The following POLR1C variants were observed in gnomAD, a reference collection of about 807,000 sequenced individuals.
POLR1C encodes the protein RNA polymerase I and III subunit C.
In POLR1C, 42 loss-of-function variants were observed where a neutral mutation model predicts 38.3. The observed-to-expected ratio is 1.10, with a 90% CI of 0.86 to 1.42. POLR1C has a LOEUF of 1.42. POLR1C is among the 40% of genes most tolerant of loss of function. The pLI is 0.00. For missense variants in POLR1C, 507 were observed against 450.5 expected, an observed-to-expected ratio of 1.13 and a Z score of -1.14; for synonymous variants, 163 against 163.9, an observed-to-expected ratio of 0.99 and a Z score of 0.04.
rs1176595858 is a variant in POLR1C at position 43,528,848 on chromosome 6, G to C, written c.923-401G>C. Reference sequence around the variant, plus strand: ...CTTACCATATGGAGGTAGGTGAAAAGAGGTCCGAGGATGGGGGATACCAGG... The same window carrying C: ...CTTACCATATGGAGGTAGGTGAAAACAGGTCCGAGGATGGGGGATACCAGG... On this transcript the variant is annotated intron_variant, in intron 8 of 8. Transcript: ENST00000304004. 6 of 1,613,924 alleles carry C rather than the reference G, an allele frequency of 3.7e-6. No homozygotes were observed. Among genetic ancestry groups the C allele is most frequent in the Non-Finnish European group, 5.1e-6 (6 of 1,179,852 alleles).
At chr6:43,527,156 TCTG>T (rs1267476844) in intron 8 of POLR1C, 3 of 218,314 alleles carry the variant, frequency 1.4e-5, no homozygotes, top group African/African-American at 6.8e-5. Context: ...CCAAATTCCT[TCTG>T]CTATTTTTGT....
chr6:43,529,503 G>A (rs2396028), exon 9 of POLR1C: 5,002 of 259,740 alleles, frequency 0.019, 70 homozygotes, highest in South Asian at 0.027. Context: ...GCAGTGAGCC[G>A]AGATCACGCC....
rs1051934605 is a variant in POLR1C, at chr6:43,547,540, T to C, written c.*5-3428T>C. 5.0e-5 allele frequency: 74 copies of C among 1,469,074 alleles called. 1 individual carries two copies. The highest frequency in any genetic ancestry group is 4.6e-4 in the South Asian group (40 of 87,122). The allele number at this position is 1,469,074 out of a possible 1,614,324, so 91.0% of individuals were successfully genotyped here. On this transcript the variant is annotated intron_variant, in intron 9 of 10. Transcript: ENST00000607635. Reference sequence around the variant, plus strand: ...TAGAAAAAACAAATCTATGAGAAACTTGACAAAAGACAACACCCTACTCCT... The same window carrying C: ...TAGAAAAAACAAATCTATGAGAAACCTGACAAAAGACAACACCCTACTCCT...
intron 8 of POLR1C, chr6:43,528,027 A>G: frequency 1.1e-6 from 1 of 937,748 alleles, no homozygotes; most frequent in Non-Finnish European, 1.6e-6. Context: ...GCCATGTATC[A>G]CCTAGGCTGA....
chr6:43,517,923 G>C (rs2127687338), intron 2 of POLR1C, among the ~76,000 whole-genome samples: 1 of 152,286 alleles, frequency 6.6e-6, no homozygotes, highest in Non-Finnish European at 1.5e-5. Flanking sequence ...ACCTTTGCGT[G>C]CAGCTTATAA....
At chr6:43,517,565 A>G (rs984964802) in intron 2 of POLR1C, among the ~76,000 whole-genome samples, 188 bp downstream of exon 2, 2 of 151,930 alleles carry the variant, frequency 1.3e-5, no homozygotes, top group Non-Finnish European at 2.9e-5. Context: ...AAAGATGTTC[A>G]GTCTTGTTGA....
intron 10 of POLR1C, chr6:43,551,330 T>C (rs1238421163): frequency 6.2e-7 from 1 of 1,613,732 alleles, no homozygotes; most frequent in African/African-American, 1.3e-5. Flanking sequence ...AACTCTGGTC[T>C]GTAGGTGACA....
chr6:43,527,324 T>C (rs1387885774), intron 8 of POLR1C: 2 of 247,288 alleles, frequency 8.1e-6, no homozygotes, highest in African/African-American at 4.5e-5. Flanking sequence ...CAGGCTGGAG[T>C]GCAGTGGCGT....
downstream of POLR1C, chr6:43,522,417 G>T (rs1793243755): frequency 6.2e-6 from 1 of 160,192 alleles, no homozygotes; most frequent in South Asian, 1.5e-4. Context: ...ATAAACAATA[G>T]AAAATTTCTA....
chr6:43,551,233 T>C (rs1406802479), intron 10 of POLR1C: 22 of 1,455,714 alleles, frequency 1.5e-5, no homozygotes, highest in Non-Finnish European at 1.9e-5. Context: ...TCCAAAAAAA[T>C]AAAATAAATA....
At chr6:43,531,483 T>G, downstream of POLR1C, 1 of 1,613,228 alleles carries the variant, frequency 6.2e-7, no homozygotes, top group Non-Finnish European at 8.5e-7. Context: ...CCTTACCAGT[T>G]TTCATAGAGG....
chr6:43,529,747 C>A (rs1306788824), downstream of POLR1C, among the ~76,000 whole-genome samples: 1 of 150,690 alleles, frequency 6.6e-6, no homozygotes, highest in Non-Finnish European at 1.5e-5. Context: ...TAATACAGAC[C>A]CATCTCTACA....
At chr6:43,526,995 G>GA (rs1408060737) in intron 8 of POLR1C, 1 of 492,640 alleles carries the variant, frequency 2.0e-6, no homozygotes, top group Non-Finnish European at 3.7e-6. Context: ...GAGTGACTAG[G>GA]AAAGGATGCT....
At chr6:43,551,925 C>T (rs144584930) in intron 10 of POLR1C, among the ~76,000 whole-genome samples, 2,063 of 152,260 alleles carry the variant, frequency 0.014, 30 homozygotes, top group Non-Finnish European at 0.02. Context: ...TCTTGGCCTC[C>T]CAAAGTGTTG....
chr6:43,531,960 C>T (rs181258068), downstream of POLR1C, among the ~76,000 whole-genome samples: 31 of 152,214 alleles, frequency 2.0e-4, no homozygotes, highest in Non-Finnish European at 4.0e-4. Context: ...AAAATGAAAC[C>T]CACTTACCTT....
At chr6:43,557,101 C>T (rs1762129856) in intron 10 of POLR1C, among the ~76,000 whole-genome samples, 1 of 136,020 alleles carries the variant, frequency 7.4e-6, no homozygotes, top group African/African-American at 2.9e-5. Context: ...GCACTCCAGC[C>T]TGGGCGACAG....
exon 10 of POLR1C, chr6:43,550,978 AAG>A (rs1439950147): frequency 2.7e-5 from 5 of 184,014 alleles, no homozygotes; most frequent in African/African-American, 1.2e-4. Flanking sequence ...AGTGTTCCTA[AAG>A]AGTGAGGCAC....
intron 9 of POLR1C, among the ~76,000 whole-genome samples, chr6:43,548,715 G>C (rs988562462): frequency 6.6e-6 from 1 of 150,812 alleles, no homozygotes; most frequent in East Asian, 1.9e-4. Flanking sequence ...AGATCAGCTT[G>C]TTTTATATAT....
At chr6:43,553,028 T>TAAAAAAGATAAAA (rs11274964) in intron 10 of POLR1C, among the ~76,000 whole-genome samples, 28,517 of 152,132 alleles carry the variant, frequency 0.19, 5,698 homozygotes, top group African/African-American at 0.51. Flanking sequence ...ACTACCAGTT[T>TAAAAAAGATAAAA]ACTGGCCAGG....
Sources: allele counts gnomAD v4.1 joint callset (sites outside exome capture counted in the v4.1 genomes callset), GRCh38; gene constraint gnomAD v4.1.1; transcripts MANE v1.5; gene names NCBI Gene and HGNC (gene_info 2026-07-23, HGNC 2026-07-21).